The following CALN1 variants were observed in gnomAD, a reference collection of about 807,000 sequenced individuals.
The protein encoded by CALN1 is calcium-binding protein 8.
CALN1 carries 17 observed loss-of-function variants against 30.6 expected under a neutral mutation model. That is an observed-to-expected ratio of 0.56 (90% CI 0.38 to 0.83). The LOEUF (loss-of-function observed/expected upper bound fraction) is 0.83. Among genes scored for constraint, CALN1 ranks in the 40% least tolerant of loss-of-function variants. CALN1 has a pLI of 0.00. For missense variants in CALN1, 291 were observed against 354.9 expected (o/e 0.82, Z 1.45); for synonymous variants, 156 against 131.4 (o/e 1.19, Z -1.28).
chr7:71,815,820 C>A (rs1584282308), intron 5 of CALN1, among the ~76,000 whole-genome samples: 1 of 100,032 alleles, frequency 1.0e-5, no homozygotes. Flanking sequence ...CCCTTCTTTT[C>A]TTCCTCCCTC....
Position 72,399,629 on chromosome 7 carries a change from C to T in CALN1, c.119+3622G>A, listed in dbSNP as rs1309440015. Among the ~76,000 whole-genome samples, 4 of 152,212 alleles carry T rather than the reference C, an allele frequency of 2.6e-5. No homozygotes were observed. The East Asian group carries it at 7.7e-4, about 29-fold the overall frequency. On this transcript the variant is annotated intron_variant, in intron 2 of 6. Coordinates refer to ENST00000395275, the MANE Select transcript of CALN1 (RefSeq NM_031468.4). ...CTAATTTGAGTCTTGTAGGGATCACCTTCTTAAAAAGCTCCAACTTAAGCC... is the reference window on the plus strand; with the variant it reads ...CTAATTTGAGTCTTGTAGGGATCACTTTCTTAAAAAGCTCCAACTTAAGCC...
chr7:71,840,312 C>T (rs1281714197), intron 5 of CALN1, among the ~76,000 whole-genome samples: 1 of 151,354 alleles, frequency 6.6e-6, no homozygotes, highest in Non-Finnish European at 1.5e-5. Context: ...ACCACAAGAC[C>T]CGTCTCCACA....
chr7:71,833,180 A>G (rs1018389973), intron 5 of CALN1, among the ~76,000 whole-genome samples: 5 of 152,102 alleles, frequency 3.3e-5, no homozygotes, highest in Non-Finnish European at 5.9e-5. Context: ...CTTACATGTG[A>G]TCCATGTTAT....
chr7:72,302,435 A>G (rs1799336327), intron 2 of CALN1, among the ~76,000 whole-genome samples: 1 of 152,206 alleles, frequency 6.6e-6, no homozygotes, highest in Admixed American at 6.5e-5. Flanking sequence ...TGGTCTGGAC[A>G]TCACAGGAAA....
chr7:71,818,668 CTTAT>C (rs1788403841), intron 5 of CALN1, among the ~76,000 whole-genome samples: 1 of 145,922 alleles, frequency 6.9e-6, no homozygotes, highest in African/African-American at 2.5e-5. Flanking sequence ...CCATGACCAG[CTTAT>C]TTTATTTATT....
At chr7:71,841,600 C>A (rs114064171) in intron 5 of CALN1, among the ~76,000 whole-genome samples, 4 of 152,260 alleles carry the variant, frequency 2.6e-5, no homozygotes, top group Admixed American at 6.5e-5. Context: ...ATGGAATCAA[C>A]CTAGGTGCCC....
chr7:72,322,936 A>G (rs1585483846), intron 2 of CALN1, among the ~76,000 whole-genome samples: 1 of 151,978 alleles, frequency 6.6e-6, no homozygotes, highest in East Asian at 1.9e-4. Context: ...TGTACCCACA[A>G]AAATCAAAAA....
chr7:72,048,147 C>T (rs1256175285), intron 4 of CALN1, among the ~76,000 whole-genome samples: 1 of 150,832 alleles, frequency 6.6e-6, no homozygotes, highest in Non-Finnish European at 1.5e-5. Context: ...TCAAGCGATT[C>T]CCCTGCCTCA....
intron 5 of CALN1, among the ~76,000 whole-genome samples, chr7:71,922,242 T>C (rs1794983684): frequency 6.6e-6 from 1 of 152,128 alleles, no homozygotes; most frequent in African/African-American, 2.4e-5. Flanking sequence ...TATGAAGGAT[T>C]TGAGTGTAAT....
rs557954610 is a variant in CALN1 at position 72,068,893 on chromosome 7, T to C, written c.388+37258A>G. Among the ~76,000 whole-genome samples the C allele has an allele frequency of 6.6e-5, 10 of 152,334 alleles. No individual in the cohort carries two copies. In the East Asian group the frequency reaches 1.3e-3, roughly 21 times the overall value. On this transcript the variant is annotated intron_variant, in intron 4 of 6. Coordinates refer to ENST00000395275, the MANE Select transcript of CALN1 (RefSeq NM_031468.4). ...TCTCCCAAATGGTTAAACCATCACA[T>C]AGATGTAAAATAATGCCATTTTTAT... is the stretch of plus-strand genomic sequence containing the variant.
chr7:72,013,395 G>C (rs1320110972), intron 5 of CALN1, among the ~76,000 whole-genome samples: 6 of 151,512 alleles, frequency 4.0e-5, no homozygotes, highest in Non-Finnish European at 8.8e-5. Context: ...GGGACCACAG[G>C]TGCATGACAC....
At chr7:71,813,512 G>A (rs921112015) in intron 5 of CALN1, among the ~76,000 whole-genome samples, 2 of 152,214 alleles carry the variant, frequency 1.3e-5, no homozygotes, top group Admixed American at 6.5e-5. Flanking sequence ...AAAAATAATT[G>A]TGGATGTGTT....
At chr7:71,929,659 G>A (rs1336047347) in intron 5 of CALN1, among the ~76,000 whole-genome samples, 1 of 152,102 alleles carries the variant, frequency 6.6e-6, no homozygotes, top group Non-Finnish European at 1.5e-5. Flanking sequence ...AGGACATTTG[G>A]GTTATGTCCA....
At chr7:72,312,401 A>G (rs1489026680) in intron 2 of CALN1, among the ~76,000 whole-genome samples, 1 of 151,422 alleles carries the variant, frequency 6.6e-6, no homozygotes, top group African/African-American at 2.4e-5. Flanking sequence ...TCAGAAAAAA[A>G]AAAAAAAAAA....
At position 72,377,132 on chromosome 7, in the gene CALN1, C is replaced by A. The variant is rs150522606; in HGVS notation, c.119+26119G>T. On this transcript the variant is annotated intron_variant, in intron 2 of 6. Coordinates refer to ENST00000395275, the MANE Select transcript of CALN1 (RefSeq NM_031468.4). Reference sequence around the variant, plus strand: ...TGAAATCAGAAAGTGAGTCCTCCAACGTTTTTCTCCTTTTTCAGATTGTCT... The same window carrying A: ...TGAAATCAGAAAGTGAGTCCTCCAAAGTTTTTCTCCTTTTTCAGATTGTCT... Among the ~76,000 whole-genome samples the A allele has an allele frequency of 1.5e-3, 232 of 152,198 alleles. 1 individual carries two copies. Among genetic ancestry groups the A allele is most frequent in the Non-Finnish European group, 2.7e-3 (183 of 68,010 alleles).
intron 2 of CALN1, among the ~76,000 whole-genome samples, chr7:72,316,787 A>G (rs1037358670): frequency 1.3e-5 from 2 of 151,728 alleles, no homozygotes; most frequent in African/African-American, 4.8e-5. Context: ...TCTACAAAAA[A>G]CTTAGAAATC....
chr7:72,119,710 G>A (rs993027169), intron 3 of CALN1, among the ~76,000 whole-genome samples: 3 of 152,108 alleles, frequency 2.0e-5, no homozygotes, highest in African/African-American at 2.4e-5. Context: ...GTGGCGGCAG[G>A]CAAGAGAGAA....
chr7:72,480,247 G>C, the CALN1 span, among the ~76,000 whole-genome samples: 1 of 152,194 alleles, frequency 6.6e-6, no homozygotes, highest in African/African-American at 2.4e-5. Flanking sequence ...GAGAGTACTT[G>C]TCAGGAATCA....
At chr7:71,902,225 AAACCAACCAACCAACCAACC>A (rs374649403) in intron 5 of CALN1, among the ~76,000 whole-genome samples, 2 of 144,880 alleles carry the variant, frequency 1.4e-5, no homozygotes, top group South Asian at 4.3e-4. Flanking sequence ...CTCCGTCTCA[AAACCAACCAACCAACCAACC>A]AACCAACCAA....
Sources: allele counts gnomAD v4.1 joint callset (sites outside exome capture counted in the v4.1 genomes callset), GRCh38; gene constraint gnomAD v4.1.1; transcripts MANE v1.5; gene names NCBI Gene and HGNC (gene_info 2026-07-23, HGNC 2026-07-21).